Variants in ATG9B observed in about 807,000 individuals in gnomAD.
ATG9B encodes the protein autophagy-related protein 9B.
ATG9B carries 92 observed loss-of-function variants against 92.9 expected under a neutral mutation model. The ratio of observed to expected loss-of-function variants is 0.99; its 90% CI spans 0.84 to 1.18. The LOEUF is 1.18. ATG9B is among the 50% of genes most tolerant of loss of function. The pLI, the probability that ATG9B is intolerant of heterozygous loss-of-function variation, is 0.00. For missense variants in ATG9B, 1,344 were observed against 1,235.0 expected (o/e 1.09, Z -1.32); for synonymous variants, 599 against 551.4 (o/e 1.09, Z -1.21).
downstream of ATG9B, chr7:151,014,995 A>C (rs1468811004): frequency 6.6e-6 from 1 of 152,188 alleles, no homozygotes; most frequent in Non-Finnish European, 1.5e-5. Flanking sequence ...CTTTTGACAG[A>C]GTCCTACACG....
At chr7:151,021,948 CGCACTCT>C (rs1554441183) in intron 4 of ATG9B, among the ~76,000 whole-genome samples, 46 of 149,526 alleles carry the variant, frequency 3.1e-4, no homozygotes, top group African/African-American at 4.2e-4. Context: ...CACGCCCAGC[CGCACTCT>C]TACATTTTAA....
chr7:151,012,245 T>TTTTTG, downstream of ATG9B: 1 of 989,576 alleles, frequency 1.0e-6, no homozygotes, highest in Non-Finnish European at 1.4e-6. Flanking sequence ...TAATTTTTTT[T>TTTTTG]TGAGATGGGA....
rs1453122186 is a variant in ATG9B at position 151,024,123 on chromosome 7, C to T, written c.301G>A (p.Ala101Thr). The change falls in exon 1 of 14, where the codon GCT becomes ACT. Residue 101 changes from alanine (A) to threonine (T), a missense_variant. Transcript: ENST00000639579. ...LPIPATPPTQAQPAMTPASAS... is the reference protein window; with the variant it reads ...LPIPATPPTQTQPAMTPASAS... ...GAGGCAGGTGTCATTGCAGGTTGAG[C>T]CTGTGTTGGGGGGGTGGCTGGGATA... The T allele has an allele frequency of 6.3e-6, 10 of 1,598,164 alleles. No individual in the cohort carries two copies. In the African/African-American group the frequency reaches 1.3e-4, roughly 21 times the overall value.
Position 151,019,147 on chromosome 7 carries a change from C to A in ATG9B, c.1191G>T (p.Ala397=). 4 of 1,536,058 alleles carry A rather than the reference C, an allele frequency of 2.6e-6. No individual in the cohort carries two copies. In the South Asian group the frequency reaches 3.6e-5, roughly 14 times the overall value. Residue 397 remains alanine (A), a synonymous_variant, in exon 6 of 14, where the codon GCG becomes GCT. Transcript: ENST00000639579. ...GSAAFLSRGL[A]LNVDLLLFRG... ...GGAAGAGCAGCAGGTCGACATTGAG[C>A]GCCAGGCCGCGGCTGAGGAAAGCCG...
In ATG9B at chr7:151,015,959, G is replaced by C. The variant is rs759528412; in HGVS notation, c.2712C>G (p.Pro904=). 69 of 1,551,520 alleles carry C rather than the reference G, an allele frequency of 4.4e-5. No individual in the cohort carries two copies. In the Admixed American group the frequency reaches 4.9e-4, roughly 11 times the overall value. Residue 904 remains proline (P), a synonymous_variant, in exon 13 of 14, where the codon CCC becomes CCG. Coordinates refer to ENST00000639579, the MANE Select transcript of ATG9B (RefSeq NM_001317056.2). ...WGTQKARNLF[P]GGFQVTTDTQ... ...TGTCTGTGGTCACCTGAAACCCTCC[G>C]GGGAACAGATTCCGGGCCTTCTGGG...
intron 4 of ATG9B, among the ~76,000 whole-genome samples, chr7:151,022,040 G>T (rs1233240795): frequency 2.0e-5 from 3 of 147,482 alleles, no homozygotes; most frequent in African/African-American, 7.7e-5. Flanking sequence ...CTGTTACCCA[G>T]GCTGTAGTGC....
Position 151,017,236 on chromosome 7 carries a change from G to A in ATG9B, c.2089C>T (p.Gln697Ter). The change falls in exon 9 of 14, where the codon CAG becomes TAG. Residue 697 changes from glutamine to a stop codon, truncating the protein, a stop_gained. Coordinates refer to ENST00000639579, the MANE Select transcript of ATG9B (RefSeq NM_001317056.2). LOFTEE classifies it high-confidence loss of function. ...SAGQTEASLS[Q>*]RAEDGKTELS... ...TCAGTCTTGCCGTCCTCCGCACGCTGAGACAGCGAGGCCTCAGTCTGTCCC... is the reference window on the plus strand; with the variant it reads ...TCAGTCTTGCCGTCCTCCGCACGCTAAGACAGCGAGGCCTCAGTCTGTCCC... 1.2e-6 allele frequency: 2 copies of A among 1,607,188 alleles called. No homozygotes were observed. Among genetic ancestry groups the A allele is most frequent in the Non-Finnish European group, 1.7e-6 (2 of 1,175,656 alleles).
chr7:151,022,908 T>C (rs765771177), intron 4 of ATG9B, 137 bp downstream of exon 4: 27 of 1,034,790 alleles, frequency 2.6e-5, no homozygotes, highest in Non-Finnish European at 3.7e-5. Flanking sequence ...TTAAAGTATA[T>C]TAAGTGTATT....
In ATG9B at chr7:151,018,382, G is replaced by C. The variant is rs1193273832; in HGVS notation, c.1784C>G (p.Ala595Gly). 4 of 1,590,776 alleles carry C rather than the reference G, an allele frequency of 2.5e-6. No homozygotes were observed. Among genetic ancestry groups the C allele is most frequent in the Non-Finnish European group, 3.4e-6 (4 of 1,170,662 alleles). Residue 595 changes from alanine to glycine, a missense_variant, in exon 7 of 14, where the codon GCC becomes GGC. Coordinates refer to ENST00000639579, the MANE Select transcript of ATG9B (RefSeq NM_001317056.2). The surrounding 1 kb of genome is among the most constrained non-coding windows in gnomAD (Gnocchi z 4.7). ...APQLLLQTALAHMHYLPEEPG... is the reference protein window; with the variant it reads ...APQLLLQTALGHMHYLPEEPG... ...CTCCTCCGGGAGGTAGTGCATGTGGGCCAGGGCTGTCTGCAGCAGGAGCTG... is the reference window on the plus strand; with the variant it reads ...CTCCTCCGGGAGGTAGTGCATGTGGCCCAGGGCTGTCTGCAGCAGGAGCTG...
In ATG9B at chr7:151,021,334, A is replaced by T; in HGVS notation, c.822-5T>A. The stretch of plus-strand genomic sequence containing the variant: ...AGCAGCGGGCTGGAGCGGATCCTGT[A>T]TGGGGTTGGGCGGGCAGTGGGGGAG... On this transcript the variant is annotated splice_polypyrimidine_tract_variant and splice_region_variant and intron_variant, in intron 4 of 13. Coordinates refer to ENST00000639579, the MANE Select transcript of ATG9B (RefSeq NM_001317056.2). 2 of 1,593,776 alleles carry T rather than the reference A, an allele frequency of 1.3e-6. No homozygotes were observed. The highest frequency in any genetic ancestry group is 1.7e-6 in the Non-Finnish European group (2 of 1,167,936).
At position 151,024,044 on chromosome 7, in the gene ATG9B, G is replaced by A. The variant is rs1421325799; in HGVS notation, c.380C>T (p.Pro127Leu). The change falls in exon 1 of 14, where the codon CCC (proline) becomes CTC (leucine). Residue 127 changes from proline to leucine, a missense_variant. Transcript: ENST00000639579. ...CTGGGGGCACTGCTGTGAGGGAGTG[G>A]GGGTTGCCGGGGCCAGGGGTGGGGT... ...HSTPPLAPAT[P>L]TPSQQCPQDS... 2 of 1,588,388 alleles carry A rather than the reference G, an allele frequency of 1.3e-6. No individual in the cohort carries two copies. The highest frequency in any genetic ancestry group is 1.7e-6 in the Non-Finnish European group (2 of 1,167,452).
chr7:151,018,827 G>T lies in ATG9B; in HGVS notation c.1511C>A (p.Ala504Asp), dbSNP rs1249987038. The change falls in exon 6 of 14, where the codon GCC (alanine) becomes GAC (aspartate). Residue 504 changes from alanine (A) to aspartate (D), a missense_variant. By Grantham distance (126) the Ala-to-Asp change is moderately radical (BLOSUM62 -2). Transcript: ENST00000639579. The surrounding 1 kb of genome is among the most constrained non-coding windows in gnomAD (Gnocchi z 4.7). ...GGCGGCGGCGGGGCGGTAGGCGCGG[G>T]CCAGGCGCGCGCGCAGCTCGTGCGG... ...ELPHELRARL[A>D]RAYRPAAAFL... The T allele has an allele frequency of 4.6e-6, 6 of 1,294,690 alleles. No individual in the cohort carries two copies. The African/African-American group carries it at 7.8e-5, about 17-fold the overall frequency. 80.2% of individuals were successfully genotyped at this position (1,294,690 alleles called of 1,614,324 possible). A position where few individuals can be genotyped will look rare whatever the true frequency, so the allele number is the denominator to read the frequency against.
chr7:151,019,006 G>A lies in ATG9B; in HGVS notation c.1332C>T (p.Ala444=). 1 of 1,566,114 alleles carries A rather than the reference G, an allele frequency of 6.4e-7. No homozygotes were observed. The highest frequency in any genetic ancestry group is 8.6e-7 in the Non-Finnish European group (1 of 1,161,046). Residue 444 remains alanine, a synonymous_variant, in exon 6 of 14, where the codon GCC becomes GCT. Transcript: ENST00000639579. ...RWGRTVLLLA[A]LNLALSPLVL... is the part of the protein sequence containing the mutation. The stretch of plus-strand genomic sequence containing the variant: ...CCAGCGGGCTCAGCGCCAGGTTCAG[G>A]GCGGCCAGCAGCAGCACTGTGCGCC...
In ATG9B at chr7:151,016,495, T is replaced by A. The variant is rs1393204724; in HGVS notation, c.2456A>T (p.Lys819Met). Residue 819 changes from lysine (K) to methionine (M), a missense_variant, in exon 11 of 14, where the codon AAG becomes ATG. Coordinates refer to ENST00000639579, the MANE Select transcript of ATG9B (RefSeq NM_001317056.2). ...SVSPGGTGGQ[K>M]LAQLPELASA... is the part of the protein sequence containing the mutation. ...AGCAAGTTCTGGGAGCTGGGCCAGCTTCTGGCCCCCAGTGCCTCCTGGGGA... is the reference window on the plus strand; with the variant it reads ...AGCAAGTTCTGGGAGCTGGGCCAGCATCTGGCCCCCAGTGCCTCCTGGGGA... 1 of 1,551,266 alleles carries A rather than the reference T, an allele frequency of 6.4e-7. No homozygotes were observed. Among genetic ancestry groups the A allele is most frequent in the East Asian group, 2.4e-5 (1 of 40,910 alleles).
At chr7:151,019,609 T>C (rs1388984323) in intron 5 of ATG9B, among the ~76,000 whole-genome samples, 2 of 152,238 alleles carry the variant, frequency 1.3e-5, no homozygotes, top group African/African-American at 4.8e-5. Context: ...AACTGCCCTG[T>C]TCATCATCCC....
chr7:151,024,004 C>A lies in ATG9B; in HGVS notation c.420G>T (p.Leu140=), dbSNP rs752531227. Residue 140 remains leucine (L), a synonymous_variant, in exon 1 of 14, where the codon CTG becomes CTT. Transcript: ENST00000639579. The part of the protein sequence containing the change: ...SQQCPQDSPG[L]RVGPLIPEQD... Reference sequence around the variant, plus strand: ...GTTCAGGGATCAAAGGGCCTACCCGCAGCCCAGGAGAGTCCTGGGGGCACT... The same window carrying A: ...GTTCAGGGATCAAAGGGCCTACCCGAAGCCCAGGAGAGTCCTGGGGGCACT... 6 of 1,593,780 alleles carry A rather than the reference C, an allele frequency of 3.8e-6. No homozygotes were observed. The African/African-American group carries it at 4.0e-5, about 11-fold the overall frequency.
Position 151,021,192 on chromosome 7 carries a change from G to A in ATG9B, c.959C>T (p.Pro320Leu), listed in dbSNP as rs553338570. Residue 320 changes from proline (P) to leucine (L), a missense_variant, in exon 5 of 14, where the codon CCC becomes CTC. Pro to Leu is a moderately conservative substitution (Grantham distance 98). Transcript: ENST00000639579. ...QVFYREALHI[P>L]PEELSSVPWA... ...AGACACAGCCACCCAGCTCACCGGG[G>A]GGATGTGCAGGGCCTCCCTGTAAAA... The A allele has an allele frequency of 1.5e-5, 25 of 1,613,296 alleles. No homozygotes were observed. The East Asian group carries it at 4.5e-4, about 29-fold the overall frequency.
At position 151,018,958 on chromosome 7, in the gene ATG9B, G is replaced by T. The variant is rs1030709776; in HGVS notation, c.1380C>A (p.His460Gln). The change falls in exon 6 of 14, where the codon CAC becomes CAA. Residue 460 changes from histidine (H) to glutamine (Q), a missense_variant. By Grantham distance (24) the His-to-Gln change is conservative (BLOSUM62 0). Coordinates refer to ENST00000639579, the MANE Select transcript of ATG9B (RefSeq NM_001317056.2). The surrounding 1 kb of genome is among the most constrained non-coding windows in gnomAD (Gnocchi z 4.7). The stretch of plus-strand genomic sequence containing the variant: ...GCAGCTCCACGTGGCTATAGAAGAC[G>T]TGCAGAACCTGCCAGGCCAGCACCA... ...SPLVLAWQVL[H>Q]VFYSHVELLR... 1.1e-5 allele frequency: 18 copies of T among 1,576,340 alleles called. No homozygotes were observed. The highest frequency in any genetic ancestry group is 1.8e-5 in the Admixed American group (1 of 55,740).
At chr7:151,023,845 C>T (rs770243832) in intron 1 of ATG9B, 29 bp downstream of exon 1, 3 of 1,609,756 alleles carry the variant, frequency 1.9e-6, no homozygotes, top group East Asian at 2.2e-5. Context: ...GCACCACTAA[C>T]CCTCTCCCAC....
Sources: allele counts gnomAD v4.1 joint callset (sites outside exome capture counted in the v4.1 genomes callset), GRCh38; gene constraint gnomAD v4.1.1; non-coding constraint Gnocchi (gnomAD v3.1); transcripts MANE v1.5; gene names NCBI Gene and HGNC (gene_info 2026-07-23, HGNC 2026-07-21).